STXBP5: variants seen among roughly 807,000 people sequenced by gnomAD.
STXBP5 encodes syntaxin-binding protein 5.
In STXBP5, 50 loss-of-function variants were observed where a neutral mutation model predicts 152.4. The ratio of observed to expected loss-of-function variants is 0.33; its 90% CI spans 0.26 to 0.42. STXBP5 has a LOEUF of 0.42. STXBP5 is among the 10% of genes least tolerant of loss of function. The probability of loss-of-function intolerance (pLI) is 1.00; values close to 1 mark genes in which losing one functional copy is unlikely to be tolerated. For missense variants in STXBP5, 1,167 were observed against 1,388.6 expected (o/e 0.84, Z 2.54); for synonymous variants, 492 against 494.7 (o/e 0.99, Z 0.07).
chr6:147,256,802 C>T (rs1779390988), intron 4 of STXBP5, among the ~76,000 whole-genome samples: 2 of 152,096 alleles, frequency 1.3e-5, no homozygotes, highest in South Asian at 2.1e-4. Context: ...TAAAGACTTA[C>T]TGAATACTCA....
rs548113642 is a variant in STXBP5 at position 147,317,298 on chromosome 6, C to G, written c.1802+891C>G. Among the ~76,000 whole-genome samples the G allele has an allele frequency of 7.2e-5, 11 of 152,100 alleles. 1 individual carries two copies. The East Asian group carries it at 1.9e-3, about 27-fold the overall frequency. On this transcript the variant is annotated intron_variant, in intron 16 of 27. Transcript: ENST00000321680. ...AAGAATGTCTGTGTAATGAATAATG[C>G]ACTCACACCAAAGATAAAACGGATA...
intron 4 of STXBP5, among the ~76,000 whole-genome samples, chr6:147,250,411 CA>C (rs554513677): frequency 2.8e-4 from 42 of 149,696 alleles, no homozygotes; most frequent in African/African-American, 8.6e-4. Flanking sequence ...GGGAAAAATA[CA>C]AAAAAAAATA....
At chr6:147,318,820 A>C (rs1017679616) in intron 16 of STXBP5, among the ~76,000 whole-genome samples, 2 of 152,194 alleles carry the variant, frequency 1.3e-5, no homozygotes, top group African/African-American at 4.8e-5. Context: ...TGAATCCTAA[A>C]ATAACTAATG....
intron 2 of STXBP5, among the ~76,000 whole-genome samples, chr6:147,217,139 G>A (rs1178987854): frequency 6.6e-6 from 1 of 152,122 alleles, no homozygotes; most frequent in African/African-American, 2.4e-5. Context: ...CTATAAATCT[G>A]GCCGCATCAG....
chr6:147,270,186 C>G (rs1432209780), intron 7 of STXBP5, among the ~76,000 whole-genome samples: 1 of 152,106 alleles, frequency 6.6e-6, no homozygotes, highest in East Asian at 1.9e-4. Flanking sequence ...ATCACGAGGT[C>G]AGGAGATCGA....
chr6:147,358,471 G>T (rs2128411003), intron 22 of STXBP5, among the ~76,000 whole-genome samples: 1 of 152,188 alleles, frequency 6.6e-6, no homozygotes, highest in South Asian at 2.1e-4. Flanking sequence ...TTGTTTGTTT[G>T]TATATTAAGA....
chr6:147,209,037 TTA>T (rs1189660520), intron 2 of STXBP5, among the ~76,000 whole-genome samples: 1 of 152,128 alleles, frequency 6.6e-6, no homozygotes, highest in Admixed American at 6.5e-5. Context: ...GTTACTGTCT[TTA>T]TCTAGACTTC....
rs146567147 is a variant in STXBP5, at chr6:147,299,971, G to A, written c.917+8799G>A. Among the ~76,000 whole-genome samples the A allele has an allele frequency of 1.9e-4, 29 of 152,104 alleles. No individual in the cohort carries two copies. The East Asian group carries it at 4.3e-3, about 22-fold the overall frequency. ...ACTAATAAGTGAAATTAATAAAGTT[G>A]CAGGATAGAAAATGTATGGTAGTCA... On this transcript the variant is annotated intron_variant, in intron 9 of 27. Transcript: ENST00000321680.
At chr6:147,340,319 C>A (rs1361907703) in intron 21 of STXBP5, among the ~76,000 whole-genome samples, 1 of 151,740 alleles carries the variant, frequency 6.6e-6, no homozygotes, top group South Asian at 2.1e-4. Context: ...TAAATTGAAC[C>A]CTGTTTAGTC....
intron 2 of STXBP5, among the ~76,000 whole-genome samples, chr6:147,233,437 C>A (rs1340374803): frequency 2.0e-5 from 3 of 151,514 alleles, no homozygotes; most frequent in Non-Finnish European, 4.4e-5. Flanking sequence ...TGCCTAATAT[C>A]AAAAGATTAG....
chr6:147,244,932 A>G (rs1778734046), intron 4 of STXBP5, among the ~76,000 whole-genome samples: 1 of 144,058 alleles, frequency 6.9e-6, no homozygotes, highest in African/African-American at 2.6e-5. Context: ...TTTGGCATTG[A>G]TATGCCTAGC....
intron 22 of STXBP5, among the ~76,000 whole-genome samples, chr6:147,358,668 A>G (rs959685338): frequency 5.9e-5 from 9 of 152,170 alleles, no homozygotes; most frequent in Non-Finnish European, 1.3e-4. Context: ...AGATTAACAC[A>G]TATTTTGTAT....
rs573914431 is a variant in STXBP5 at position 147,265,929 on chromosome 6, G to C, written c.631-1155G>C. 5.3e-5 allele frequency among the ~76,000 whole-genome samples: 8 copies of C among 151,872 alleles called. No individual in the cohort carries two copies. In the South Asian group the frequency reaches 1.7e-3, roughly 32 times the overall value. The stretch of plus-strand genomic sequence containing the variant: ...TCGAATTAAAAAAAAAAAGTACAAA[G>C]TGTTATTGGAGCACATAGGGAGGGT... On this transcript the variant is annotated intron_variant, in intron 6 of 27. Transcript: ENST00000321680.
chr6:147,350,308 T>G (rs990349338), intron 21 of STXBP5, among the ~76,000 whole-genome samples: 1 of 152,090 alleles, frequency 6.6e-6, no homozygotes, highest in African/African-American at 2.4e-5. Flanking sequence ...ATATAAAAAT[T>G]TTTTAGTAGA....
chr6:147,266,695 C>G (rs1044164570), intron 6 of STXBP5, among the ~76,000 whole-genome samples: 2 of 152,040 alleles, frequency 1.3e-5, no homozygotes, highest in African/African-American at 4.8e-5. Context: ...GTGTCTGAAT[C>G]TCACCAGAGG....
intron 18 of STXBP5, among the ~76,000 whole-genome samples, chr6:147,329,378 T>G (rs1783437212): frequency 6.7e-6 from 1 of 150,030 alleles, no homozygotes; most frequent in South Asian, 2.1e-4. Flanking sequence ...TTGTCAATAT[T>G]TAGGGTTGTG....
chr6:147,307,822 A>G (rs888984550), intron 9 of STXBP5, among the ~76,000 whole-genome samples: 1 of 152,238 alleles, frequency 6.6e-6, no homozygotes, highest in African/African-American at 2.4e-5. Context: ...AAATAAGTAC[A>G]GGCAGCCTAC....
At chr6:147,351,539 T>C (rs1183773061) in intron 21 of STXBP5, among the ~76,000 whole-genome samples, 1 of 152,222 alleles carries the variant, frequency 6.6e-6, no homozygotes, top group African/African-American at 2.4e-5. Flanking sequence ...CAATATTTTC[T>C]AATTTTAAGG....
chr6:147,369,477 A>T (rs1229857239), intron 25 of STXBP5, among the ~76,000 whole-genome samples: 1 of 152,050 alleles, frequency 6.6e-6, no homozygotes, highest in Non-Finnish European at 1.5e-5. Context: ...CTTCAACAAA[A>T]CTTAAAATTT....
Sources: allele counts gnomAD v4.1 joint callset (sites outside exome capture counted in the v4.1 genomes callset), GRCh38; gene constraint gnomAD v4.1.1; transcripts MANE v1.5; gene names NCBI Gene and HGNC (gene_info 2026-07-23, HGNC 2026-07-21).